Variants in CFAP251 observed in about 807,000 individuals in gnomAD.
CFAP251 encodes cilia- and flagella-associated protein 251.
CFAP251 carries 93 observed loss-of-function variants against 126.7 expected under a neutral mutation model. That is an observed-to-expected ratio of 0.73 (90% confidence interval 0.62 to 0.87). The LOEUF is 0.87. Ranked by LOEUF, CFAP251 falls within the 40% of genes least tolerant of loss-of-function variation. The probability of loss-of-function intolerance (pLI) is 0.00; values close to 1 mark genes in which losing one functional copy is unlikely to be tolerated. For missense variants in CFAP251, 1,287 were observed against 1,389.2 expected (o/e 0.93, Z 1.17); for synonymous variants, 503 against 506.9 (o/e 0.99, Z 0.10).
At chr12:121,975,150 C>T in intron 17 of CFAP251, 94 bp from the exon 18 acceptor site, 1 of 949,770 alleles carries the variant, frequency 1.1e-6, no homozygotes, top group African/African-American at 1.6e-5. Flanking sequence ...TGCTGTGATA[C>T]CCTTCAGAGG....
intron 5 of CFAP251, among the ~76,000 whole-genome samples, chr12:121,941,898 C>A (rs1364260551): frequency 6.6e-6 from 1 of 152,142 alleles, no homozygotes; most frequent in East Asian, 1.9e-4. Context: ...CCTTTGCATT[C>A]CCACCTGTGT....
chr12:121,991,903 G>A (rs1882883454), intron 19 of CFAP251, among the ~76,000 whole-genome samples: 1 of 152,240 alleles, frequency 6.6e-6, no homozygotes, highest in African/African-American at 2.4e-5. Flanking sequence ...TGAGGCAGGA[G>A]AATTGGTTGG....
chr12:121,993,220 C>T (rs1337509369), intron 19 of CFAP251, among the ~76,000 whole-genome samples: 4 of 139,410 alleles, frequency 2.9e-5, no homozygotes, highest in African/African-American at 8.3e-5. Flanking sequence ...CCGCCAACCT[C>T]GGCCTCCCGA....
intron 19 of CFAP251, among the ~76,000 whole-genome samples, chr12:121,983,578 C>T (rs970399299): frequency 2.0e-5 from 3 of 152,024 alleles, no homozygotes; most frequent in Non-Finnish European, 4.4e-5. Flanking sequence ...TTGACAATTA[C>T]TTAAAAACAT....
intron 1 of CFAP251, among the ~76,000 whole-genome samples, chr12:121,919,494 G>A (rs1434755232): frequency 2.6e-5 from 4 of 152,106 alleles, no homozygotes; most frequent in African/African-American, 4.8e-5. Flanking sequence ...AGCTGTATGT[G>A]CCAGAATTGT....
intron 3 of CFAP251, among the ~76,000 whole-genome samples, chr12:121,931,320 T>G (rs1156892722): frequency 6.6e-6 from 1 of 152,130 alleles, no homozygotes; most frequent in Non-Finnish European, 1.5e-5. Context: ...AACATTAACG[T>G]TGCCATCTTA....
At chr12:121,937,318 C>T (rs186746969) in intron 5 of CFAP251, among the ~76,000 whole-genome samples, 354 of 152,316 alleles carry the variant, frequency 2.3e-3, no homozygotes, top group Non-Finnish European at 3.6e-3. Flanking sequence ...CACCATGCAT[C>T]CATCTGTGTC....
chr12:121,988,155 T>C (rs1882794778), intron 19 of CFAP251, among the ~76,000 whole-genome samples: 1 of 152,078 alleles, frequency 6.6e-6, no homozygotes, highest in Non-Finnish European at 1.5e-5. Context: ...AAATTAATGT[T>C]CTTAGAATCG....
At chr12:121,922,232 C>T (rs549641048) in intron 2 of CFAP251, among the ~76,000 whole-genome samples, 14 of 151,852 alleles carry the variant, frequency 9.2e-5, no homozygotes, top group South Asian at 4.2e-4. Context: ...CTCAGCCTCC[C>T]GAGTAGTGAG....
intron 2 of CFAP251, 38 bp from the exon 3 acceptor site, chr12:121,923,584 G>A (rs975267938): frequency 6.4e-7 from 1 of 1,567,764 alleles, no homozygotes; most frequent in Admixed American, 1.9e-5. Context: ...GTGAGTAGCA[G>A]CACATATGGA....
chr12:121,929,328 A>AG (rs1880582661), intron 3 of CFAP251, among the ~76,000 whole-genome samples: 1 of 151,740 alleles, frequency 6.6e-6, no homozygotes, highest in African/African-American at 2.4e-5. Flanking sequence ...TCAAAAAAAA[A>AG]AAAAAAGAAA....
intron 17 of CFAP251, chr12:121,969,574 C>T: frequency 5.9e-6 from 5 of 853,978 alleles, no homozygotes; most frequent in Non-Finnish European, 7.0e-6. Flanking sequence ...CAGCCTCGAA[C>T]TCCTGGGCTC....
chr12:121,924,030 G>C (rs1297742329), intron 3 of CFAP251, 40 bp downstream of exon 3: 1 of 1,541,342 alleles, frequency 6.5e-7, no homozygotes, highest in South Asian at 1.3e-5. Flanking sequence ...GTGCTTTTGA[G>C]AGTGTTGCGC....
At position 121,942,566 on chromosome 12, in the gene CFAP251, C is replaced by T; in HGVS notation, c.1031C>T (p.Pro344Leu). 1 of 1,613,990 alleles carries T rather than the reference C, an allele frequency of 6.2e-7. No homozygotes were observed. The highest frequency in any genetic ancestry group is 8.5e-7 in the Non-Finnish European group (1 of 1,180,002). The change falls in exon 6 of 22, where the codon CCT (proline) becomes CTT (leucine). Residue 344 changes from proline (P) to leucine (L), a missense_variant. Coordinates refer to ENST00000288912, the MANE Select transcript of CFAP251 (RefSeq NM_144668.6). ...GTGCACACAATATTTGACAGCTGCC[C>T]TGAAGGGAATGGCATCATGGCCATG... ...IPVHTIFDSCPEGNGIMAMAM... is the reference protein window; with the variant it reads ...IPVHTIFDSCLEGNGIMAMAM...
In CFAP251 at chr12:121,992,481, G is replaced by T. The variant is rs947057910; in HGVS notation, c.3007-7235G>T. The stretch of plus-strand genomic sequence containing the variant: ...GGGTATGAGTAACTCAGGCCCTTAT[G>T]AATTCCTTTTGTCGTCTTAGTCTCC... On this transcript the variant is annotated intron_variant, in intron 19 of 21. Transcript: ENST00000288912. 1.4e-5 allele frequency: 14 copies of T among 985,150 alleles called. No homozygotes were observed. In the African/African-American group the frequency reaches 2.4e-4, roughly 17 times the overall value. 61.0% of individuals were successfully genotyped at this position (985,150 alleles called of 1,614,324 possible).
chr12:121,995,881 C>T (rs1243537350), intron 19 of CFAP251, among the ~76,000 whole-genome samples: 2 of 152,184 alleles, frequency 1.3e-5, no homozygotes, highest in Non-Finnish European at 2.9e-5. Flanking sequence ...TAAAATTATA[C>T]ATATGATACC....
intron 14 of CFAP251, 31 bp downstream of exon 14, chr12:121,960,789 G>T: frequency 1.2e-6 from 2 of 1,609,178 alleles, no homozygotes; most frequent in Non-Finnish European, 1.7e-6. Context: ...TGACCTGGTC[G>T]CCAAGACTGT....
intron 19 of CFAP251, among the ~76,000 whole-genome samples, chr12:121,984,788 T>C (rs938240911): frequency 1.3e-5 from 2 of 152,344 alleles, no homozygotes; most frequent in African/African-American, 4.8e-5. Context: ...GCCCAGCATA[T>C]CATTCGTTTC....
At chr12:121,954,535 G>A (rs143002951) in intron 10 of CFAP251, among the ~76,000 whole-genome samples, 12 of 145,666 alleles carry the variant, frequency 8.2e-5, no homozygotes, top group African/African-American at 3.0e-4. Context: ...AACAAAGAGA[G>A]AGAGATGGGA....
Sources: allele counts gnomAD v4.1 joint callset (sites outside exome capture counted in the v4.1 genomes callset), GRCh38; gene constraint gnomAD v4.1.1; transcripts MANE v1.5; gene names NCBI Gene and HGNC (gene_info 2026-07-23, HGNC 2026-07-21).